Variants in CDH23 observed in about 807,000 individuals in gnomAD.
CDH23 encodes the protein cadherin related 23.
Under a neutral mutation model 317.1 loss-of-function variants are expected in CDH23, and 189 were observed. The ratio of observed to expected loss-of-function variants is 0.60; its 90% CI spans 0.53 to 0.67. The LOEUF (loss-of-function observed/expected upper bound fraction) is 0.67, where lower values mean the gene tolerates loss of function less well. Among genes scored for constraint, CDH23 ranks in the 30% least tolerant of loss-of-function variants. CDH23 has a pLI of 0.00. For missense variants in CDH23, 4,401 were observed against 4,592.4 expected (o/e 0.96, Z 1.20); for synonymous variants, 1,839 against 1,876.8 (o/e 0.98, Z 0.52).
At chr10:71,668,139 AACCACAGCCAGAGACCCCTGCC>A (rs534512692) in intron 14 of CDH23, among the ~76,000 whole-genome samples, 3,872 of 151,780 alleles carry the variant, frequency 0.026, 106 homozygotes, top group African/African-American at 0.058. Flanking sequence ...CATCCTGGGA[AACCACAGCCAGAGACCCCTGCC>A]ACCACAGCCA....
chr10:71,711,868 T>A (rs1399600929), intron 27 of CDH23: 1 of 151,780 alleles, frequency 6.6e-6, no homozygotes, highest in Non-Finnish European at 1.5e-5. Context: ...TTGACCCAGG[T>A]GCTATACCCG....
At chr10:71,680,749 AAAAAAAAAAAAAAAG>A (rs1052586743) in intron 17 of CDH23, among the ~76,000 whole-genome samples, 1 of 142,056 alleles carries the variant, frequency 7.0e-6, no homozygotes, top group African/African-American at 2.6e-5. Context: ...TCCGTCTCAA[AAAAAAAAAAAAAAAG>A]AAAAAGAAAT....
Position 71,751,814 on chromosome 10 carries a change from G to A in CDH23, c.4845+9893G>A. ...GACTTTGGCCTCGGGTATCCCCTGG[G>A]CAGGTGGTGAGGCTTCAAAGCCGGG... On this transcript the variant is annotated intron_variant, in intron 38 of 69. Transcript: ENST00000224721. The surrounding 1 kb of genome is among the most constrained non-coding windows in gnomAD (Gnocchi z 4.9). 6.3e-7 allele frequency: 1 copy of A among 1,582,368 alleles called. No individual in the cohort carries two copies. The highest frequency in any genetic ancestry group is 1.4e-5 in the African/African-American group (1 of 73,604).
intron 30 of CDH23, 50 bp from the exon 31 acceptor site, chr10:71,730,419 C>G: frequency 6.3e-7 from 1 of 1,598,900 alleles, no homozygotes; most frequent in Non-Finnish European, 8.5e-7. Context: ...CCCTGGGCTT[C>G]CCAGCCTCCA....
intron 9 of CDH23, among the ~76,000 whole-genome samples, chr10:71,586,605 ACACCTTACCCT>A (rs1859082661): frequency 6.6e-6 from 1 of 151,572 alleles, no homozygotes; most frequent in Non-Finnish European, 1.5e-5. Context: ...TACCTTACCC[ACACCTTACCCT>A]CACCTTACCC....
At chr10:71,732,843 C>G in intron 32 of CDH23, 1 of 333,908 alleles carries the variant, frequency 3.0e-6, no homozygotes, top group South Asian at 8.0e-5. Context: ...ATCTGACTCT[C>G]TTGACACCAG....
intron 38 of CDH23, among the ~76,000 whole-genome samples, chr10:71,771,141 C>G (rs1376467928): frequency 6.6e-6 from 1 of 152,160 alleles, no homozygotes; most frequent in Non-Finnish European, 1.5e-5. Context: ...GAGGACAGGG[C>G]AAGGACAGTA....
chr10:71,594,115 A>C (rs1003938221), intron 9 of CDH23, among the ~76,000 whole-genome samples: 4 of 152,200 alleles, frequency 2.6e-5, no homozygotes, highest in Non-Finnish European at 5.9e-5. Context: ...AAAGAAAGAA[A>C]GATAAGTATT....
chr10:71,762,593 C>T (rs990715711), intron 38 of CDH23, among the ~76,000 whole-genome samples: 2 of 152,270 alleles, frequency 1.3e-5, no homozygotes, highest in Admixed American at 1.3e-4. Context: ...AGCAGAACCC[C>T]ATGGCAAAGG....
At chr10:71,685,427 C>G (rs1185923956) in intron 18 of CDH23, among the ~76,000 whole-genome samples, 5 of 152,232 alleles carry the variant, frequency 3.3e-5, no homozygotes, top group Non-Finnish European at 7.3e-5. Flanking sequence ...CTAAAAGGGG[C>G]CGGAGCATGC....
chr10:71,732,025 G>A lies in CDH23; in HGVS notation c.3754G>A (p.Ala1252Thr), dbSNP rs747334403. ...GLVNYRILSG[A>T]EGKFEIDEST... ...GGTGAACTACCGCATCCTGTCGGGCGCAGAGGGGAAGTTTGAGATTGACGA... is the reference window on the plus strand; with the variant it reads ...GGTGAACTACCGCATCCTGTCGGGCACAGAGGGGAAGTTTGAGATTGACGA... The change falls in exon 32 of 70, where the codon GCA becomes ACA. Residue 1252 changes from alanine (A) to threonine (T), a missense_variant. Around this residue, in one of 3 missense-constraint regions of CDH23, gnomAD observed 3,068 missense variants for 3,203.3 expected, o/e 0.96. Transcript: ENST00000224721. 2.2e-5 allele frequency: 35 copies of A among 1,613,852 alleles called. No individual in the cohort carries two copies. Among genetic ancestry groups the A allele is most frequent in the Middle Eastern group, 1.6e-4 (1 of 6,084 alleles).
chr10:71,737,904 C>A (rs1244180410), intron 34 of CDH23: 2 of 435,044 alleles, frequency 4.6e-6, no homozygotes, highest in Admixed American at 2.4e-5. Flanking sequence ...AATTCACATG[C>A]CTTCCCCATC....
chr10:71,671,711 C>T lies in CDH23; in HGVS notation c.1450-3401C>T, dbSNP rs138402512. ...AGCCACAGTGGGTCCTCTCTGGAGT[C>T]GGGTCAGCCAGCATCTGGGGGGCTG... On this transcript the variant is annotated intron_variant, in intron 14 of 69. Transcript: ENST00000224721. Among the ~76,000 whole-genome samples, 1,037 of 152,150 alleles carry T rather than the reference C, an allele frequency of 6.8e-3. 7 individuals carry two copies. Among genetic ancestry groups the T allele is most frequent in the African/African-American group, 0.024 (989 of 41,514 alleles).
At position 71,690,578 on chromosome 10, in the gene CDH23, C is replaced by G. The variant is rs769571318; in HGVS notation, c.2170C>G (p.Arg724Gly). The G allele has an allele frequency of 3.1e-6, 5 of 1,593,622 alleles. No individual in the cohort carries two copies. The highest frequency in any genetic ancestry group is 1.7e-5 in the Admixed American group (1 of 58,130). The change falls in exon 20 of 70, where the codon CGC becomes GGC. Residue 724 changes from arginine to glycine, a missense_variant. Arg to Gly is a moderately radical substitution (Grantham distance 125, BLOSUM62 -2). Coordinates refer to ENST00000224721, the MANE Select transcript of CDH23 (RefSeq NM_022124.6). Reference protein sequence around the residue: ...EGSTQFRINARSGEITTTSLL... With the variant: ...EGSTQFRINAGSGEITTTSLL... ...CTCCACCCAGTTTCGGATCAATGCC[C>G]GCTCAGGTGAGCCCCCCCACCCCAA...
At chr10:71,663,577 G>A (rs536429697) in intron 14 of CDH23, among the ~76,000 whole-genome samples, 4 of 152,292 alleles carry the variant, frequency 2.6e-5, no homozygotes, top group East Asian at 1.9e-4. Flanking sequence ...TTCTTGCCCC[G>A]TGTGGGAACT....
At chr10:71,615,376 T>G (rs1176422878) in intron 9 of CDH23, 128 bp from the exon 10 acceptor site, 2 of 710,104 alleles carry the variant, frequency 2.8e-6, no homozygotes, top group Non-Finnish European at 5.1e-6. Flanking sequence ...CAGCATTCAT[T>G]TCAAGTAACT....
At chr10:71,716,050 C>A in intron 28 of CDH23, 1 of 1,508,458 alleles carries the variant, frequency 6.6e-7, no homozygotes, top group Non-Finnish European at 8.9e-7. Flanking sequence ...GGGAGAGGCG[C>A]AAGGAGCCCA....
chr10:71,529,940 C>T lies in CDH23; in HGVS notation c.429+18728C>T, dbSNP rs1008776677. Among the ~76,000 whole-genome samples, 12 of 152,100 alleles carry T rather than the reference C, an allele frequency of 7.9e-5. No homozygotes were observed. In the Middle Eastern group the frequency reaches 0.01, roughly 129 times the overall value. ...AAGGAAAGAGACTCTGACCCACCCA[C>T]CCCAGCCTGCAGCTTACCCCTCTCT... is the stretch of plus-strand genomic sequence containing the variant. On this transcript the variant is annotated intron_variant, in intron 6 of 69. Transcript: ENST00000224721.
In CDH23 at chr10:71,725,471, T is replaced by G. The variant is rs1302091489; in HGVS notation, c.3530T>G (p.Ile1177Arg). 6.2e-7 allele frequency: 1 copy of G among 1,613,836 alleles called. No homozygotes were observed. Among genetic ancestry groups the G allele is most frequent in the African/African-American group, 1.3e-5 (1 of 74,934 alleles). ...GAGCGGAACTCATCCCACGTGCTGA[T>G]AGTGGAGGCCTACAACCACGACCTG... Reference protein sequence around the residue: ...DRERNSSHVLIVEAYNHDLGP... With the variant: ...DRERNSSHVLRVEAYNHDLGP... Residue 1177 changes from isoleucine to arginine, a missense_variant, in exon 30 of 70, where the codon ATA (isoleucine) becomes AGA (arginine). Ile to Arg is a moderately conservative substitution (Grantham distance 97). Around this residue, in one of 3 missense-constraint regions of CDH23, gnomAD observed 3,068 missense variants for 3,203.3 expected, o/e 0.96. Transcript: ENST00000224721.
Sources: gnomAD v4.1 joint callset for allele counts (sites outside exome capture counted in the v4.1 genomes callset) on GRCh38, gnomAD v4.1.1 for gene constraint, gnomAD v4.1.1 regional missense constraint, Gnocchi (gnomAD v3.1) non-coding constraint, MANE v1.5 for transcripts, NCBI Gene and HGNC (gene_info 2026-07-23, HGNC 2026-07-21) for gene names.